The following MACROD2 variants were observed in gnomAD, a reference collection of about 807,000 sequenced individuals.
The protein encoded by MACROD2 is mono-ADP ribosylhydrolase 2, also known as ADP-ribose glycohydrolase MACROD2.
MACROD2 carries 36 observed loss-of-function variants against 70.4 expected under a neutral mutation model. The observed-to-expected ratio is 0.51, with a 90% CI of 0.39 to 0.68. MACROD2 has a LOEUF of 0.68. Among genes scored for constraint, MACROD2 ranks in the 30% least tolerant of loss-of-function variants. The pLI is 0.00. For missense variants in MACROD2, 496 were observed against 538.4 expected (o/e 0.92, Z 0.78); for synonymous variants, 172 against 178.8 (o/e 0.96, Z 0.30).
intron 4 of MACROD2, among the ~76,000 whole-genome samples, chr20:14,581,967 C>T (rs1395395411): frequency 6.6e-6 from 1 of 152,136 alleles, no homozygotes; most frequent in Non-Finnish European, 1.5e-5. Flanking sequence ...CTACACATTT[C>T]CTGATAGCAT....
At chr20:15,897,821 T>C (rs1277920661) in intron 10 of MACROD2, among the ~76,000 whole-genome samples, 2 of 152,234 alleles carry the variant, frequency 1.3e-5, no homozygotes, top group Non-Finnish European at 2.9e-5. Flanking sequence ...AGTCTGATTC[T>C]GCAGTTTATT....
intron 10 of MACROD2, among the ~76,000 whole-genome samples, chr20:15,890,538 C>T (rs1431562805): frequency 6.6e-6 from 1 of 152,130 alleles, no homozygotes; most frequent in Non-Finnish European, 1.5e-5. Flanking sequence ...TGAACCCATT[C>T]CAAGGGTCAA....
intron 5 of MACROD2, among the ~76,000 whole-genome samples, chr20:14,889,662 A>G (rs2122502104): frequency 6.6e-6 from 1 of 152,282 alleles, no homozygotes; most frequent in Non-Finnish European, 1.5e-5. Flanking sequence ...GGATAAATCA[A>G]ATGAGCAGAG....
chr20:14,793,769 C>T (rs1409859755), intron 5 of MACROD2, among the ~76,000 whole-genome samples: 1 of 152,038 alleles, frequency 6.6e-6, no homozygotes, highest in Non-Finnish European at 1.5e-5. Context: ...GGTCCCAGTA[C>T]AGCCATCCTT....
chr20:14,591,973 T>A (rs181571597), intron 4 of MACROD2, among the ~76,000 whole-genome samples: 61 of 152,190 alleles, frequency 4.0e-4, no homozygotes, highest in Admixed American at 3.7e-3. Flanking sequence ...AGACTGAATG[T>A]GAAGGTGACA....
chr20:14,789,460 ATTTTTTTTTTTT>A (rs3045609), intron 5 of MACROD2, among the ~76,000 whole-genome samples: 8 of 48,362 alleles, frequency 1.7e-4, no homozygotes, highest in Admixed American at 6.3e-4. Context: ...GGTAGTGCAA[ATTTTTTTTTTTT>A]TTTTTTTTTT....
chr20:15,165,474 C>T (rs138183088), intron 5 of MACROD2, among the ~76,000 whole-genome samples: 1 of 152,106 alleles, frequency 6.6e-6, no homozygotes, highest in Non-Finnish European at 1.5e-5. Flanking sequence ...CAACTAGACA[C>T]AAATAAATTC....
At chr20:15,022,294 G>C (rs1009441689) in intron 5 of MACROD2, among the ~76,000 whole-genome samples, 4 of 152,212 alleles carry the variant, frequency 2.6e-5, no homozygotes, top group Admixed American at 2.6e-4. Flanking sequence ...TACCAATGTA[G>C]GCAACTGCAC....
rs397865668 is a variant in MACROD2, at chr20:15,741,092, C to CTTT, written c.646-121637_646-121635dup. On this transcript the variant is annotated intron_variant, in intron 8 of 17. Transcript: ENST00000684519. The stretch of plus-strand genomic sequence containing the variant: ...TCTACAAAACTCTCAGTTATCATAT[C>CTTT]TTTTTTTTTTTTTTTTTTGAGGTGG... Among the ~76,000 whole-genome samples, 261 of 123,988 alleles carry CTTT rather than the reference C, an allele frequency of 2.1e-3. 8 individuals are homozygous for CTTT. The highest frequency in any genetic ancestry group is 5.3e-3 in the East Asian group (22 of 4,122). The allele number at this position is 123,988 out of a possible 152,430, so 81.3% of individuals were successfully genotyped here. A position where few individuals can be genotyped will look rare whatever the true frequency, so the allele number is the denominator to read the frequency against.
At chr20:15,161,363 G>T (rs2076347150) in intron 5 of MACROD2, among the ~76,000 whole-genome samples, 1 of 149,694 alleles carries the variant, frequency 6.7e-6, no homozygotes, top group South Asian at 2.1e-4. Flanking sequence ...ATAAATAATT[G>T]TAATAACATA....
intron 4 of MACROD2, among the ~76,000 whole-genome samples, chr20:14,650,148 T>C (rs1260204208): frequency 6.6e-6 from 1 of 152,154 alleles, no homozygotes; most frequent in Non-Finnish European, 1.5e-5. Flanking sequence ...GGCTGAGATA[T>C]GCAAAAAACT....
intron 5 of MACROD2, among the ~76,000 whole-genome samples, chr20:14,875,783 A>G (rs1368757164): frequency 6.6e-6 from 1 of 152,116 alleles, no homozygotes; most frequent in Non-Finnish European, 1.5e-5. Flanking sequence ...AATGACCTCT[A>G]GTTGCATCCA....
At chr20:14,139,473 T>G (rs962225422) in intron 3 of MACROD2, among the ~76,000 whole-genome samples, 2 of 152,190 alleles carry the variant, frequency 1.3e-5, no homozygotes, top group African/African-American at 2.4e-5. Context: ...CTGGTTTTAC[T>G]CATCTGTTCC....
At chr20:15,919,720 A>G (rs2065373391) in intron 10 of MACROD2, among the ~76,000 whole-genome samples, 1 of 152,148 alleles carries the variant, frequency 6.6e-6, no homozygotes, top group East Asian at 1.9e-4. Flanking sequence ...GGATGACAGT[A>G]CGAGACTCCA....
chr20:14,377,727 T>C (rs2083385326), intron 3 of MACROD2, among the ~76,000 whole-genome samples: 1 of 152,258 alleles, frequency 6.6e-6, no homozygotes, highest in African/African-American at 2.4e-5. Flanking sequence ...TTCACATTTG[T>C]ATAGCCCTTA....
chr20:14,909,722 C>T (rs2074003064), intron 5 of MACROD2, among the ~76,000 whole-genome samples: 2 of 151,944 alleles, frequency 1.3e-5, no homozygotes, highest in Non-Finnish European at 2.9e-5. Context: ...TCAGACCTGC[C>T]ACTGCTTCTA....
intron 4 of MACROD2, among the ~76,000 whole-genome samples, chr20:14,501,584 T>C (rs2084915317): frequency 6.6e-6 from 1 of 152,134 alleles, no homozygotes; most frequent in Admixed American, 6.6e-5. Flanking sequence ...GAGTTTGCGT[T>C]TTTAAAATGA....
intron 5 of MACROD2, among the ~76,000 whole-genome samples, chr20:15,189,272 A>C (rs1423068614): frequency 6.6e-6 from 1 of 151,536 alleles, no homozygotes; most frequent in Non-Finnish European, 1.5e-5. Flanking sequence ...TGACCAACAT[A>C]GTGCTTGGCA....
intron 8 of MACROD2, among the ~76,000 whole-genome samples, chr20:15,610,991 C>CTT (rs34495725): frequency 0.14 from 8,185 of 59,962 alleles, 1,537 homozygotes; most frequent in South Asian, 0.25. Flanking sequence ...AGCCAAAAAT[C>CTT]TTTTTTTTTT....
Sources: gnomAD v4.1 joint callset for allele counts (sites outside exome capture counted in the v4.1 genomes callset) on GRCh38, gnomAD v4.1.1 for gene constraint, MANE v1.5 for transcripts, NCBI Gene and HGNC (gene_info 2026-07-23, HGNC 2026-07-21) for gene names.